The following ARHGAP6 variants were observed in gnomAD, a reference collection of about 807,000 sequenced individuals.
The protein encoded by ARHGAP6 is Rho GTPase activating protein 6.
In ARHGAP6, 16 loss-of-function variants were observed where a neutral mutation model predicts 55.7. The observed-to-expected ratio is 0.29, with a 90% CI of 0.19 to 0.44. ARHGAP6 has a LOEUF of 0.44. ARHGAP6 is among the 20% of genes least tolerant of loss of function. The pLI is 1.00. For missense variants in ARHGAP6, 698 were observed against 808.9 expected (o/e 0.86, Z 1.66); for synonymous variants, 382 against 360.9 (o/e 1.06, Z -0.66).
intron 1 of ARHGAP6, among the ~76,000 whole-genome samples, chrX:11,352,338 A>G (rs763677816): frequency 1.2e-4 from 14 of 112,181 alleles, no homozygotes; most frequent in African/African-American, 4.5e-4. Flanking sequence ...ACTGCCTGGG[A>G]GCCTTAAGTA....
chrX:11,354,327 C>CTATATA lies in ARHGAP6; in HGVS notation c.589-99626_589-99621dup, dbSNP rs1174449401. Reference sequence around the variant, plus strand: ...TCTCTCTCTCTCTCTCTCTCTCTCTCTATATATATATATATATATATATAT... The same window carrying CTATATA: ...TCTCTCTCTCTCTCTCTCTCTCTCTCTATATATATATATATATATATATATATATAT... On this transcript the variant is annotated intron_variant, in intron 1 of 12. Transcript: ENST00000337414. 6.9e-3 allele frequency among the ~76,000 whole-genome samples: 224 copies of CTATATA among 32,342 alleles called. 1 individual carries two copies. The highest frequency in any genetic ancestry group is 7.3e-3 in the Non-Finnish European group (140 of 19,252). The allele number at this position is 32,342 out of a possible 115,157, so 28.1% of individuals were successfully genotyped here. A position where few individuals can be genotyped will look rare whatever the true frequency, so the allele number is the denominator to read the frequency against.
intron 1 of ARHGAP6, among the ~76,000 whole-genome samples, chrX:11,497,092 TGGA>T (rs1010131256): frequency 8.0e-5 from 9 of 111,818 alleles, no homozygotes; most frequent in African/African-American, 2.9e-4. Context: ...TCAACTGCTG[TGGA>T]GGAGGAGGAC....
chrX:11,495,515 A>G (rs1006160189), intron 1 of ARHGAP6, among the ~76,000 whole-genome samples: 2 of 111,959 alleles, frequency 1.8e-5, no homozygotes, highest in East Asian at 2.8e-4. Flanking sequence ...GCTGTAGCCT[A>G]TCTACATGGA....
intron 1 of ARHGAP6, chrX:11,300,807 A>C: frequency 2.4e-6 from 1 of 422,579 alleles, no homozygotes; most frequent in South Asian, 5.0e-5. Flanking sequence ...CTATCATTTG[A>C]GATGATATAT....
chrX:11,578,882 G>A (rs961304128), intron 1 of ARHGAP6, among the ~76,000 whole-genome samples: 1 of 110,846 alleles, frequency 9.0e-6, no homozygotes, highest in Non-Finnish European at 1.9e-5. Flanking sequence ...CCTTTGTAGG[G>A]ACATGGATGA....
Position 11,484,841 on chromosome X carries a change from T to C in ARHGAP6, c.588+179400A>G, listed in dbSNP as rs190463287. 3.8e-3 allele frequency among the ~76,000 whole-genome samples: 430 copies of C among 111,921 alleles called. 3 individuals carry two copies. The highest frequency in any genetic ancestry group is 0.014 in the African/African-American group (419 of 30,866). On this transcript the variant is annotated intron_variant, in intron 1 of 12. Transcript: ENST00000337414. ...AAAAGAAAAACTATTAAATAGGGGCTTTATTTTTCTAACTTTACATTTGAG... is the reference window on the plus strand; with the variant it reads ...AAAAGAAAAACTATTAAATAGGGGCCTTATTTTTCTAACTTTACATTTGAG...
intron 3 of ARHGAP6, among the ~76,000 whole-genome samples, chrX:11,193,691 G>A (rs1370923859): frequency 1.8e-5 from 2 of 112,165 alleles, no homozygotes; most frequent in African/African-American, 3.2e-5. Flanking sequence ...AGCTACCTTC[G>A]AGGCACTATA....
At chrX:11,643,850 G>A (rs1200786652) in intron 1 of ARHGAP6, among the ~76,000 whole-genome samples, 1 of 111,216 alleles carries the variant, frequency 9.0e-6, no homozygotes, top group Non-Finnish European at 1.9e-5. Flanking sequence ...ATCTGAGCTA[G>A]CCTGCTGGAG....
At chrX:11,464,316 C>T (rs1476612427) in intron 1 of ARHGAP6, among the ~76,000 whole-genome samples, 1 of 112,082 alleles carries the variant, frequency 8.9e-6, no homozygotes, top group South Asian at 3.7e-4. Context: ...TCTTGCTGAG[C>T]TTTTCTTGAT....
Position 11,526,083 on chromosome X carries a change from G to A in ARHGAP6, c.588+138158C>T, listed in dbSNP as rs772400141. Reference sequence around the variant, plus strand: ...GAAGCAGAGAGTGAGATAAGAATTTGCATGCAAGCAGTTTAATTGGGAGAA... The same window carrying A: ...GAAGCAGAGAGTGAGATAAGAATTTACATGCAAGCAGTTTAATTGGGAGAA... On this transcript the variant is annotated intron_variant, in intron 1 of 12. Transcript: ENST00000337414. Among the ~76,000 whole-genome samples, 52 of 112,003 alleles carry A rather than the reference G, an allele frequency of 4.6e-4. No individual in the cohort carries two copies. The Middle Eastern group carries it at 0.014, about 30-fold the overall frequency.
intron 1 of ARHGAP6, among the ~76,000 whole-genome samples, chrX:11,377,679 T>C (rs936634680): frequency 2.7e-5 from 3 of 111,885 alleles, no homozygotes; most frequent in African/African-American, 9.7e-5. Flanking sequence ...ATTAGTCCCC[T>C]CGTGAGCGGG....
intron 1 of ARHGAP6, among the ~76,000 whole-genome samples, chrX:11,588,809 T>G (rs1257009869): frequency 9.0e-6 from 1 of 111,708 alleles, no homozygotes; most frequent in Non-Finnish European, 1.9e-5. Flanking sequence ...CAGGATTTCC[T>G]TTTGAGATGA....
chrX:11,635,764 G>A (rs1182714094), intron 1 of ARHGAP6, among the ~76,000 whole-genome samples: 1 of 111,654 alleles, frequency 9.0e-6, no homozygotes, highest in East Asian at 2.8e-4. Context: ...AGAGAGGAAT[G>A]TTACTATGAA....
intron 1 of ARHGAP6, among the ~76,000 whole-genome samples, chrX:11,309,437 G>A (rs1375690576): frequency 3.6e-5 from 4 of 110,768 alleles, no homozygotes; most frequent in Non-Finnish European, 5.7e-5. Flanking sequence ...AGAGGATCTC[G>A]GAGGGAGAGA....
At chrX:11,582,957 C>T (rs1569407753) in intron 1 of ARHGAP6, among the ~76,000 whole-genome samples, 2 of 111,336 alleles carry the variant, frequency 1.8e-5, no homozygotes, top group Non-Finnish European at 3.8e-5. Flanking sequence ...TACATTGAAA[C>T]AAAAAATAAA....
intron 1 of ARHGAP6, chrX:11,294,951 G>A (rs1034070836): frequency 1.3e-5 from 11 of 830,329 alleles, no homozygotes; most frequent in Non-Finnish European, 2.0e-5. Context: ...GAGATCAGAT[G>A]TCTTCATATG....
Position 11,664,579 on chromosome X carries a change from G to A in ARHGAP6, c.250C>T (p.Arg84Trp), listed in dbSNP as rs1432109461. 4.2e-6 allele frequency: 5 copies of A among 1,183,668 alleles called. No individual in the cohort carries two copies. The African/African-American group carries it at 5.2e-5, about 12-fold the overall frequency. ...SLGPRLASSS[R>W]GPPPRATRLP... ...CTGGTGGCCCTGGGGGGCGGACCCCGGGAAGAGGACGCCAAGCGAGGGCCG... is the reference window on the plus strand; with the variant it reads ...CTGGTGGCCCTGGGGGGCGGACCCCAGGAAGAGGACGCCAAGCGAGGGCCG... The change falls in exon 1 of 13, where the codon CGG becomes TGG. Residue 84 changes from arginine (R) to tryptophan (W), a missense_variant. This residue lies in a region of ARHGAP6 where 164 missense variants were observed against 149.2 expected (regional missense o/e 1.10). Coordinates refer to ENST00000337414, the MANE Select transcript of ARHGAP6 (RefSeq NM_013427.3).
At chrX:11,275,849 C>G (rs1232511569) in intron 1 of ARHGAP6, among the ~76,000 whole-genome samples, 7 of 111,557 alleles carry the variant, frequency 6.3e-5, no homozygotes, top group Non-Finnish European at 9.4e-5. Flanking sequence ...CCTACTCACC[C>G]TGTAATGCTT....
chrX:11,664,781 G>T lies in ARHGAP6; in HGVS notation c.48C>A (p.Pro16=), dbSNP rs781110027. The change falls in exon 1 of 13, where the codon CCC becomes CCA. Residue 16 remains proline (P), a synonymous_variant. Transcript: ENST00000337414. ...LLHSVFSCSS[P]ASSSAASAKG... Reference sequence around the variant, plus strand: ...TGGCCGAGGCCGCGCTACTTGAAGCGGGCGAGGAACAGGAGAAGACGCTGT... The same window carrying T: ...TGGCCGAGGCCGCGCTACTTGAAGCTGGCGAGGAACAGGAGAAGACGCTGT... 2.6e-5 allele frequency: 31 copies of T among 1,202,446 alleles called. No homozygotes were observed. The Admixed American group carries it at 6.9e-4, about 27-fold the overall frequency.
Sources: allele counts gnomAD v4.1 joint callset (sites outside exome capture counted in the v4.1 genomes callset), GRCh38; gene constraint gnomAD v4.1.1; regional missense constraint gnomAD v4.1.1; transcripts MANE v1.5; gene names NCBI Gene and HGNC (gene_info 2026-07-23, HGNC 2026-07-21).